RAB11FIP1: variants seen among roughly 807,000 people sequenced by gnomAD.
RAB11FIP1 encodes the protein rab11 family-interacting protein 1.
Under a neutral mutation model 83.1 loss-of-function variants are expected in RAB11FIP1, and 49 were observed. The ratio of observed to expected loss-of-function variants is 0.59; its 90% CI spans 0.47 to 0.75. The LOEUF (loss-of-function observed/expected upper bound fraction) is 0.75. Ranked by LOEUF, RAB11FIP1 falls within the 30% of genes least tolerant of loss-of-function variation. The pLI, the probability that RAB11FIP1 is intolerant of heterozygous loss-of-function variation, is 0.00. For missense variants in RAB11FIP1, 1,536 were observed against 1,598.7 expected (o/e 0.96, Z 0.67); for synonymous variants, 670 against 656.0 (o/e 1.02, Z -0.33).
intron 1 of RAB11FIP1, among the ~76,000 whole-genome samples, chr8:37,890,514 GA>G (rs1161474170): frequency 6.6e-6 from 1 of 152,114 alleles, no homozygotes; most frequent in East Asian, 1.9e-4. Context: ...TAAAGCCCTT[GA>G]TTTTCCTCTA....
intron 1 of RAB11FIP1, among the ~76,000 whole-genome samples, chr8:37,881,607 C>T (rs1806734761): frequency 6.6e-6 from 1 of 152,186 alleles, no homozygotes. Flanking sequence ...ATTTTGGACC[C>T]TTAGGAGACA....
Position 37,875,321 on chromosome 8 carries a change from G to C in RAB11FIP1, c.816C>G (p.Val272=). The C allele has an allele frequency of 6.2e-6, 10 of 1,605,744 alleles. No homozygotes were observed. The highest frequency in any genetic ancestry group is 8.5e-6 in the Non-Finnish European group (10 of 1,175,686). Residue 272 remains valine (V), a splice_region_variant and synonymous_variant, in exon 3 of 6, where the codon GTC becomes GTG. Transcript: ENST00000330843. Reference sequence around the variant, plus strand: ...TACTCGCTGTTCTCTTGTGAGACATGACTTTGGGAAGAAAAAGAACAGAAA... The same window carrying C: ...TACTCGCTGTTCTCTTGTGAGACATCACTTTGGGAAGAAAAAGAACAGAAA... ...NEDESSSASD[V]MSHKRTASTD... is the part of the protein sequence containing the mutation.
At position 37,871,449 on chromosome 8, in the gene RAB11FIP1, G is replaced by A. The variant is rs763685874; in HGVS notation, c.3353C>T (p.Thr1118Ile). ...HSFPSSAHSD[T>I]HHTSTAESQK... The stretch of plus-strand genomic sequence containing the variant: ...AGATTCTGCTGTGCTGGTGTGGTGA[G>A]TGTCAGAATGTGCAGAGCTGGGGAA... The change falls in exon 4 of 6, where the codon ACT (threonine) becomes ATT (isoleucine). Residue 1118 changes from threonine to isoleucine, a missense_variant. Coordinates refer to ENST00000330843, the MANE Select transcript of RAB11FIP1 (RefSeq NM_001002814.3). 1 of 1,614,150 alleles carries A rather than the reference G, an allele frequency of 6.2e-7. No individual in the cohort carries two copies. The highest frequency in any genetic ancestry group is 8.5e-7 in the Non-Finnish European group (1 of 1,180,022).
At position 37,871,736 on chromosome 8, in the gene RAB11FIP1, T is replaced by C; in HGVS notation, c.3066A>G (p.Val1022=). The change falls in exon 4 of 6, where the codon GTA becomes GTG. Residue 1022 remains valine, a synonymous_variant. Transcript: ENST00000330843. ...KGPSGEADRL[V]LGEGLCDFRL... ...TGAAATCACACAGGCCCTCCCCCAG[T>C]ACCAACCTATCTGCCTCGCCACTGG... The C allele has an allele frequency of 1.2e-6, 2 of 1,613,692 alleles. No homozygotes were observed. The highest frequency in any genetic ancestry group is 1.7e-6 in the Non-Finnish European group (2 of 1,180,014).
chr8:37,898,249 G>A (rs1480759520), intron 1 of RAB11FIP1, among the ~76,000 whole-genome samples: 1 of 152,204 alleles, frequency 6.6e-6, no homozygotes, highest in East Asian at 1.9e-4. Flanking sequence ...GGTGGCTCAC[G>A]CCTGTAATCC....
intron 1 of RAB11FIP1, among the ~76,000 whole-genome samples, chr8:37,893,372 A>G (rs888863880): frequency 3.3e-5 from 5 of 151,512 alleles, no homozygotes; most frequent in African/African-American, 1.2e-4. Context: ...TTTAATGCCT[A>G]CTCCCCTACA....
intron 1 of RAB11FIP1, among the ~76,000 whole-genome samples, chr8:37,888,645 A>G (rs1200309305): frequency 6.6e-6 from 1 of 151,828 alleles, no homozygotes; most frequent in Admixed American, 6.6e-5. Context: ...CACTCTGCTA[A>G]TGTTTTATTT....
intron 5 of RAB11FIP1, among the ~76,000 whole-genome samples, chr8:37,868,880 A>C (rs957659821): frequency 6.6e-6 from 1 of 152,202 alleles, no homozygotes; most frequent in African/African-American, 2.4e-5. Flanking sequence ...AATCTAAAGG[A>C]GAAGAAAAAA....
intron 5 of RAB11FIP1, among the ~76,000 whole-genome samples, chr8:37,866,024 G>C (rs1354334755): frequency 6.6e-6 from 1 of 152,092 alleles, no homozygotes; most frequent in Admixed American, 6.6e-5. Context: ...GAAGAGCCTA[G>C]TTTTGCAATA....
chr8:37,887,102 C>T (rs1181280010), intron 1 of RAB11FIP1, among the ~76,000 whole-genome samples: 1 of 152,172 alleles, frequency 6.6e-6, no homozygotes, highest in Non-Finnish European at 1.5e-5. Context: ...TGCCCATTGT[C>T]AGCTACTTGG....
At chr8:37,882,805 A>T (rs956556675) in intron 1 of RAB11FIP1, among the ~76,000 whole-genome samples, 4 of 152,054 alleles carry the variant, frequency 2.6e-5, no homozygotes, top group African/African-American at 7.2e-5. Flanking sequence ...TTTTCTTTGC[A>T]CTTCCTAATG....
chr8:37,878,199 A>C (rs971825964), intron 1 of RAB11FIP1: 6 of 152,068 alleles, frequency 3.9e-5, no homozygotes, highest in Admixed American at 2.6e-4. Flanking sequence ...TATTCCATGG[A>C]ATCACTTCCG....
chr8:37,864,735 T>A (rs1171461737), intron 5 of RAB11FIP1, among the ~76,000 whole-genome samples: 4 of 152,196 alleles, frequency 2.6e-5, no homozygotes, highest in African/African-American at 9.6e-5. Flanking sequence ...GGTGAGACAC[T>A]GGACTGCTTT....
intron 1 of RAB11FIP1, 157 bp from the exon 2 acceptor site, chr8:37,877,708 ATTTTTTTTTT>A (rs59670170): frequency 1.5e-4 from 31 of 211,116 alleles, no homozygotes; most frequent in South Asian, 4.2e-4. Context: ...TGAGAGCAGA[ATTTTTTTTTT>A]TTTTTTTTTT....
In RAB11FIP1 at chr8:37,865,628, G is replaced by A. The variant is rs554059633; in HGVS notation, c.3634-2515C>T. Among the ~76,000 whole-genome samples, 31 of 152,212 alleles carry A rather than the reference G, an allele frequency of 2.0e-4. No homozygotes were observed. In the South Asian group the frequency reaches 6.2e-3, roughly 31 times the overall value. ...AGCCACTGAGCCCGGCCTTCCTGGG[G>A]TTCTTGATGATATGTTTTATAATGT... On this transcript the variant is annotated intron_variant, in intron 5 of 5. Transcript: ENST00000330843.
intron 1 of RAB11FIP1, among the ~76,000 whole-genome samples, chr8:37,893,746 T>C (rs1348862108): frequency 1.3e-5 from 2 of 151,988 alleles, no homozygotes; most frequent in South Asian, 2.1e-4. Context: ...GCTGTGATCA[T>C]GTCACTGCAC....
chr8:37,860,496 C>T lies in RAB11FIP1; in HGVS notation c.*2399G>A, dbSNP rs1806212953. On this transcript the variant is annotated 3_prime_UTR_variant, in exon 6 of 6. Transcript: ENST00000330843. The stretch of plus-strand genomic sequence containing the variant: ...AGCTGAGATTACAGCTGTCTGCCAC[C>T]ACACCCAGCTAATTTCTGTATTTTT... The T allele has an allele frequency of 6.6e-6, 1 of 152,184 alleles. No homozygotes were observed. Among genetic ancestry groups the T allele is most frequent in the Admixed American group, 6.5e-5 (1 of 15,272 alleles). 9.4% of individuals were successfully genotyped at this position (152,184 alleles called of 1,614,324 possible).
rs1220655404 is a variant in RAB11FIP1 at position 37,874,531 on chromosome 8, T to C, written c.1606A>G (p.Arg536Gly). The C allele has an allele frequency of 6.8e-6, 11 of 1,613,962 alleles. No individual in the cohort carries two copies. Among genetic ancestry groups the C allele is most frequent in the Non-Finnish European group, 8.5e-6 (10 of 1,179,928 alleles). ...AAAACTCACCGGGGCTTGACAGCTC[T>C]GGTCTGGGGAGCCCTCGGAGAGGAA... The part of the protein sequence containing the change: ...PISSPRAPQT[R>G]AVKPRLEVSP... The change falls in exon 3 of 6, where the codon AGA (arginine) becomes GGA (glycine). Residue 536 changes from arginine to glycine, a missense_variant. Coordinates refer to ENST00000330843, the MANE Select transcript of RAB11FIP1 (RefSeq NM_001002814.3).
At chr8:37,889,943 C>T (rs1806913329) in intron 1 of RAB11FIP1, among the ~76,000 whole-genome samples, 1 of 152,126 alleles carries the variant, frequency 6.6e-6, no homozygotes, top group Non-Finnish European at 1.5e-5. Flanking sequence ...GCCACCATAC[C>T]TGGCTAATTT....
Sources: allele counts gnomAD v4.1 joint callset (sites outside exome capture counted in the v4.1 genomes callset), GRCh38; gene constraint gnomAD v4.1.1; transcripts MANE v1.5; gene names NCBI Gene and HGNC (gene_info 2026-07-23, HGNC 2026-07-21).